Variants in RNF214 observed in about 807,000 individuals in gnomAD.
The protein encoded by RNF214 is ring finger protein 214.
Under a neutral mutation model 75.9 loss-of-function variants are expected in RNF214, and 25 were observed. The observed-to-expected ratio is 0.33, with a 90% CI of 0.24 to 0.46. RNF214 has a LOEUF of 0.46. RNF214 is among the 20% of genes least tolerant of loss of function. The pLI, the probability that RNF214 is intolerant of heterozygous loss-of-function variation, is 1.00. For synonymous variants in RNF214, 314 were observed against 308.8 expected, an observed-to-expected ratio of 1.02 and a Z score of -0.18; for missense variants, 725 against 857.5, an observed-to-expected ratio of 0.85 and a Z score of 1.93.
intron 6 of RNF214, among the ~76,000 whole-genome samples, chr11:117,270,146 G>C (rs573715798): frequency 4.0e-4 from 61 of 151,930 alleles, no homozygotes; most frequent in African/African-American, 1.5e-3. Context: ...CTTCTGGAAA[G>C]AGGACCAGAG....
At chr11:117,236,519 G>A (rs1241853421) in intron 2 of RNF214, among the ~76,000 whole-genome samples, 2 of 152,010 alleles carry the variant, frequency 1.3e-5, no homozygotes, top group South Asian at 2.1e-4. Flanking sequence ...TGATCCGCCC[G>A]CCTCAGCCTC....
intron 6 of RNF214, among the ~76,000 whole-genome samples, chr11:117,253,570 G>A (rs947337123): frequency 2.6e-5 from 4 of 152,156 alleles, no homozygotes; most frequent in Non-Finnish European, 2.9e-5. Context: ...GTGCAGGTGC[G>A]ATGGCTTATG....
chr11:117,252,026 G>T (rs564955762), intron 6 of RNF214, among the ~76,000 whole-genome samples: 1 of 152,066 alleles, frequency 6.6e-6, no homozygotes, highest in East Asian at 1.9e-4. Flanking sequence ...GTGCCACCAC[G>T]CCCGACTAAT....
chr11:117,284,897 G>T (rs887555849), intron 14 of RNF214, among the ~76,000 whole-genome samples, 189 bp from the exon 15 acceptor site: 2 of 152,108 alleles, frequency 1.3e-5, no homozygotes, highest in African/African-American at 4.8e-5. Context: ...ACCACTGCAC[G>T]CCAGCCTGGG....
chr11:117,246,420 A>G (rs2033228496), intron 5 of RNF214, among the ~76,000 whole-genome samples: 2 of 152,228 alleles, frequency 1.3e-5, no homozygotes, highest in Admixed American at 1.3e-4. Flanking sequence ...CAACAAAATG[A>G]AACAAGACAA....
Position 117,232,681 on chromosome 11 carries a change from T to A in RNF214, c.-52T>A, listed in dbSNP as rs958945105. 3 of 149,318 alleles carry A rather than the reference T, an allele frequency of 2.0e-5. No homozygotes were observed. Among genetic ancestry groups the A allele is most frequent in the Admixed American group, 2.0e-4 (3 of 15,086 alleles). The allele number at this position is 149,318 out of a possible 1,614,324, so 9.2% of individuals were successfully genotyped here. On this transcript the variant is annotated 5_prime_UTR_variant, in exon 1 of 15. Coordinates refer to ENST00000300650, the MANE Select transcript of RNF214 (RefSeq NM_207343.4). ...CGCGCGCGGGCCGGCGCTCGACCCC[T>A]CCCCCCGTGGCTCGGCCGCCCCCTC...
In RNF214 at chr11:117,270,253, T is replaced by C. The variant is rs2033882322; in HGVS notation, c.960-9655T>C. On this transcript the variant is annotated intron_variant, in intron 6 of 14. Transcript: ENST00000300650. ...TTTCTTTTCTTTTCTTTTTTTTTTT[T>C]TTTTTTTTTTTTTTGAGTCAGGGTC... Among the ~76,000 whole-genome samples the C allele has an allele frequency of 6.6e-5, 9 of 135,682 alleles. No homozygotes were observed. In the South Asian group the frequency reaches 2.2e-3, roughly 33 times the overall value. The allele number at this position is 135,682 out of a possible 152,430, so 89.0% of individuals were successfully genotyped here.
intron 10 of RNF214, 91 bp downstream of exon 10, chr11:117,281,789 A>G: frequency 6.6e-7 from 1 of 1,509,070 alleles, no homozygotes; most frequent in African/African-American, 1.4e-5. Context: ...AGATATTGGG[A>G]CCATCCCTAT....
At chr11:117,235,200 A>G (rs2032868664) in intron 2 of RNF214, among the ~76,000 whole-genome samples, 1 of 152,080 alleles carries the variant, frequency 6.6e-6, no homozygotes, top group Middle Eastern at 3.4e-3. Context: ...AATCTATTTC[A>G]CTTTTCTTTT....
chr11:117,274,878 A>C (rs2033984706), intron 6 of RNF214, among the ~76,000 whole-genome samples: 1 of 151,072 alleles, frequency 6.6e-6, no homozygotes, highest in Non-Finnish European at 1.5e-5. Flanking sequence ...GGGTTTTGCC[A>C]TGTTGGCCAG....
chr11:117,268,021 C>A (rs1267953726), intron 6 of RNF214, among the ~76,000 whole-genome samples: 2 of 152,182 alleles, frequency 1.3e-5, no homozygotes, highest in Non-Finnish European at 2.9e-5. Flanking sequence ...GAATCTTACT[C>A]CCTTATGTAG....
At chr11:117,233,140 A>C (rs2032771602) in intron 1 of RNF214, among the ~76,000 whole-genome samples, 1 of 152,132 alleles carries the variant, frequency 6.6e-6, no homozygotes, top group Non-Finnish European at 1.5e-5. Flanking sequence ...TCGACCCTCC[A>C]GCCAGCTGTT....
chr11:117,282,368 A>G, intron 11 of RNF214, 36 bp from the exon 12 acceptor site: 1 of 1,611,192 alleles, frequency 6.2e-7, no homozygotes, highest in Non-Finnish European at 8.5e-7. Context: ...TGGGTATAGC[A>G]TAGGCTTTCT....
rs1213417125 is a variant in RNF214, at chr11:117,246,927, A to G, written c.938A>G (p.Lys313Arg). The change falls in exon 6 of 15, where the codon AAG (lysine) becomes AGG (arginine). Residue 313 changes from lysine to arginine, a missense_variant. Coordinates refer to ENST00000300650, the MANE Select transcript of RNF214 (RefSeq NM_207343.4). Reference sequence around the variant, plus strand: ...CAGGATCTGAAAGCTGAAATTGAGAAGCTTTGTGAGAAGGGCAGAAGGTAA... The same window carrying G: ...CAGGATCTGAAAGCTGAAATTGAGAGGCTTTGTGAGAAGGGCAGAAGGTAA... Reference protein sequence around the residue: ...KEQDLKAEIEKLCEKGRREVW... With the variant: ...KEQDLKAEIERLCEKGRREVW... 3.7e-6 allele frequency: 6 copies of G among 1,611,200 alleles called. No homozygotes were observed. The highest frequency in any genetic ancestry group is 2.5e-6 in the Non-Finnish European group (3 of 1,179,052).
intron 6 of RNF214, among the ~76,000 whole-genome samples, chr11:117,278,898 C>T (rs1361607363): frequency 6.6e-6 from 1 of 152,102 alleles, no homozygotes; most frequent in East Asian, 1.9e-4. Flanking sequence ...TGAGAACAGC[C>T]TGTAGAACAA....
chr11:117,246,211 G>A (rs545494034), intron 5 of RNF214, among the ~76,000 whole-genome samples: 3 of 151,564 alleles, frequency 2.0e-5, no homozygotes, highest in Non-Finnish European at 4.4e-5. Flanking sequence ...TGATCCTCCT[G>A]CCTTGGGTTC....
At chr11:117,251,696 G>C (rs938242332) in intron 6 of RNF214, among the ~76,000 whole-genome samples, 1 of 152,158 alleles carries the variant, frequency 6.6e-6, no homozygotes, top group Admixed American at 6.5e-5. Flanking sequence ...CCGGCAGGGG[G>C]CTCAGAGATG....
At chr11:117,244,777 C>T (rs182726425) in intron 5 of RNF214, among the ~76,000 whole-genome samples, 192 bp downstream of exon 5, 4 of 151,958 alleles carry the variant, frequency 2.6e-5, no homozygotes, top group African/African-American at 7.2e-5. Flanking sequence ...GTGATCTTCC[C>T]ACCTCAGCCT....
At chr11:117,284,464 G>A (rs1267392512) in intron 14 of RNF214, among the ~76,000 whole-genome samples, 2 of 152,150 alleles carry the variant, frequency 1.3e-5, no homozygotes, top group African/African-American at 4.8e-5. Flanking sequence ...TCAGGTCTTA[G>A]AACAGAGATG....
Sources: gnomAD v4.1 joint callset for allele counts (sites outside exome capture counted in the v4.1 genomes callset) on GRCh38, gnomAD v4.1.1 for gene constraint, MANE v1.5 for transcripts, NCBI Gene and HGNC (gene_info 2026-07-23, HGNC 2026-07-21) for gene names.